Variants in HOOK3 observed in about 807,000 individuals in gnomAD.
HOOK3 encodes hook microtubule tethering protein 3.
A neutral mutation model predicts 116.3 loss-of-function variants in HOOK3; 24 were observed. That is an observed-to-expected ratio of 0.21 (90% CI 0.15 to 0.29). HOOK3 has a LOEUF of 0.29. HOOK3 is among the 10% of genes least tolerant of loss of function. The pLI, the probability that HOOK3 is intolerant of heterozygous loss-of-function variation, is 1.00. For synonymous variants in HOOK3, 275 were observed against 283.0 expected (o/e 0.97, Z 0.28); for missense variants, 632 against 830.2 (o/e 0.76, Z 2.93).
At chr8:43,017,143 C>A (rs529067011) in intron 21 of HOOK3, among the ~76,000 whole-genome samples, 1 of 152,240 alleles carries the variant, frequency 6.6e-6, no homozygotes, top group African/African-American at 2.4e-5. Flanking sequence ...TTCCACCTGG[C>A]TCTCCTTTTG....
At chr8:42,904,276 C>G (rs1807256803) in intron 1 of HOOK3, among the ~76,000 whole-genome samples, 1 of 151,048 alleles carries the variant, frequency 6.6e-6, no homozygotes. Flanking sequence ...TTTCCCTCCA[C>G]TCCTTCCTTC....
rs192229163 is a variant in HOOK3 at position 42,987,660 on chromosome 8, C to A, written c.1532+865C>A. ...GAATTTGCAAAATTAACAGGAAAAT[C>A]ACTTTTCTGCTTGTAAGTTTTCAGC... On this transcript the variant is annotated intron_variant, in intron 15 of 21. Coordinates refer to ENST00000307602, the MANE Select transcript of HOOK3 (RefSeq NM_032410.4). 1.6e-3 allele frequency among the ~76,000 whole-genome samples: 247 copies of A among 152,284 alleles called. 1 individual carries two copies. Among genetic ancestry groups the A allele is most frequent in the Non-Finnish European group, 3.0e-3 (204 of 68,020 alleles).
chr8:42,932,419 T>C (rs1393251008), intron 4 of HOOK3, among the ~76,000 whole-genome samples: 1 of 152,158 alleles, frequency 6.6e-6, no homozygotes, highest in Non-Finnish European at 1.5e-5. Context: ...AAGATAGTGA[T>C]GCTGTTTCAG....
intron 1 of HOOK3, among the ~76,000 whole-genome samples, chr8:42,901,521 C>G (rs1034809937): frequency 4.6e-5 from 7 of 152,000 alleles, no homozygotes; most frequent in Non-Finnish European, 8.8e-5. Flanking sequence ...TTCATCACCC[C>G]AAAAATAAAC....
intron 13 of HOOK3, among the ~76,000 whole-genome samples, chr8:42,982,375 A>C (rs1336282963): frequency 1.3e-5 from 2 of 152,030 alleles, no homozygotes. Flanking sequence ...ATGATGAAAA[A>C]GTTTTGAAAA....
chr8:42,932,795 C>T lies in HOOK3; in HGVS notation c.267+2623C>T, dbSNP rs761291420. The stretch of plus-strand genomic sequence containing the variant: ...AGCAGGAGTAAAACTAAAATCAGTA[C>T]GTGTGGTTGGAGTTTGCCTAATTTG... On this transcript the variant is annotated intron_variant, in intron 4 of 21. Transcript: ENST00000307602. 2.6e-5 allele frequency among the ~76,000 whole-genome samples: 4 copies of T among 152,148 alleles called. No individual in the cohort carries two copies. The South Asian group carries it at 6.2e-4, about 24-fold the overall frequency.
Position 43,015,437 on chromosome 8 carries a change from C to T in HOOK3, c.2016+2037C>T, listed in dbSNP as rs572318209. On this transcript the variant is annotated intron_variant, in intron 21 of 21. Coordinates refer to ENST00000307602, the MANE Select transcript of HOOK3 (RefSeq NM_032410.4). ...ACTCCGGAGGCTGAAGCAGGAGAATCGCCTGAACCCAGGAGGTGGAGGTTG... is the reference window on the plus strand; with the variant it reads ...ACTCCGGAGGCTGAAGCAGGAGAATTGCCTGAACCCAGGAGGTGGAGGTTG... Among the ~76,000 whole-genome samples the T allele has an allele frequency of 2.6e-5, 4 of 152,144 alleles. No individual in the cohort carries two copies. The South Asian group carries it at 8.3e-4, about 32-fold the overall frequency.
intron 10 of HOOK3, among the ~76,000 whole-genome samples, chr8:42,966,948 G>A (rs1360208345): frequency 6.6e-6 from 1 of 152,034 alleles, no homozygotes; most frequent in Admixed American, 6.6e-5. Flanking sequence ...CGCCACGCCC[G>A]CAAGGCCTCA....
At chr8:42,913,813 C>T (rs1807480070) in intron 2 of HOOK3, among the ~76,000 whole-genome samples, 1 of 152,088 alleles carries the variant, frequency 6.6e-6, no homozygotes, top group African/African-American at 2.4e-5. Flanking sequence ...TTTAGCCATT[C>T]TAGTGGCTGT....
rs183021272 is a variant in HOOK3, at chr8:42,940,127, C to T, written c.268-3186C>T. ...ATCTCGGCACTTTGGGAGGCCAAGG[C>T]AGGCCGCCGGGAGGTGGAGGCTGCA... On this transcript the variant is annotated intron_variant, in intron 4 of 21. Transcript: ENST00000307602. Among the ~76,000 whole-genome samples the T allele has an allele frequency of 4.9e-3, 753 of 152,388 alleles. 4 individuals carry two copies. The highest frequency in any genetic ancestry group is 0.017 in the African/African-American group (723 of 41,588).
At chr8:42,959,381 T>C in intron 8 of HOOK3, 67 bp downstream of exon 8, 1 of 1,061,462 alleles carries the variant, frequency 9.4e-7, no homozygotes, top group Non-Finnish European at 1.5e-6. Context: ...AAATGTGCTG[T>C]GTACTGTCAT....
chr8:42,955,995 G>A (rs1808426213), intron 6 of HOOK3, among the ~76,000 whole-genome samples: 1 of 152,066 alleles, frequency 6.6e-6, no homozygotes. Flanking sequence ...AGCCTCCCGA[G>A]TAGCTGGAAC....
chr8:42,956,443 T>C (rs1808438024), intron 6 of HOOK3, among the ~76,000 whole-genome samples: 1 of 152,184 alleles, frequency 6.6e-6, no homozygotes, highest in Non-Finnish European at 1.5e-5. Flanking sequence ...TAGATTCTTA[T>C]TACTAGGCTT....
At chr8:42,908,692 A>C (rs1020703298) in intron 2 of HOOK3, among the ~76,000 whole-genome samples, 1 of 152,224 alleles carries the variant, frequency 6.6e-6, no homozygotes, top group Admixed American at 6.5e-5. Flanking sequence ...AAACATACCT[A>C]CTGAATTTGA....
At chr8:43,012,803 T>TG (rs1809637985) in intron 19 of HOOK3, among the ~76,000 whole-genome samples, 1 of 152,196 alleles carries the variant, frequency 6.6e-6, no homozygotes, top group East Asian at 1.9e-4. Flanking sequence ...GTTCTCACTA[T>TG]GTTGCCCAGG....
chr8:42,947,828 T>G (rs1487456425), intron 5 of HOOK3, among the ~76,000 whole-genome samples: 2 of 150,612 alleles, frequency 1.3e-5, no homozygotes, highest in African/African-American at 5.0e-5. Flanking sequence ...CTGGTTGTCA[T>G]GAGGAGTGAA....
At chr8:43,012,175 G>A (rs1224169573) in intron 19 of HOOK3, among the ~76,000 whole-genome samples, 2 of 152,202 alleles carry the variant, frequency 1.3e-5, no homozygotes, top group South Asian at 2.1e-4. Context: ...ACAGGGACAC[G>A]TTCTGAGAAA....
chr8:42,925,309 G>T (rs945523032), intron 2 of HOOK3, among the ~76,000 whole-genome samples: 1 of 151,946 alleles, frequency 6.6e-6, no homozygotes, highest in Non-Finnish European at 1.5e-5. Flanking sequence ...TGTTGGCCAG[G>T]TGTGGTCTTG....
At position 43,023,182 on chromosome 8, in the gene HOOK3, G is replaced by T. The variant is rs1809860824; in HGVS notation, c.*4684G>T. ...GATTGTGCCACTGCACTCCAGCCTG[G>T]GCCACAGAGTGAGACTCCATCTCAA... On this transcript the variant is annotated 3_prime_UTR_variant, in exon 22 of 22. Transcript: ENST00000307602. 1.3e-5 allele frequency: 2 copies of T among 153,624 alleles called. No individual in the cohort carries two copies. Among genetic ancestry groups the T allele is most frequent in the East Asian group, 1.5e-4 (1 of 6,766 alleles). 9.5% of individuals were successfully genotyped at this position (153,624 alleles called of 1,614,324 possible).
Sources: gnomAD v4.1 joint callset for allele counts (sites outside exome capture counted in the v4.1 genomes callset) on GRCh38, gnomAD v4.1.1 for gene constraint, MANE v1.5 for transcripts, NCBI Gene and HGNC (gene_info 2026-07-23, HGNC 2026-07-21) for gene names.